Variants in CDH1 observed in about 807,000 individuals in gnomAD.
The protein encoded by CDH1 is cadherin-1.
Under a neutral mutation model 84.5 loss-of-function variants are expected in CDH1, and 35 were observed. The ratio of observed to expected loss-of-function variants is 0.41; its 90% CI spans 0.32 to 0.55. The LOEUF (loss-of-function observed/expected upper bound fraction) is 0.55, where lower values mean the gene tolerates loss of function less well. CDH1 is among the 20% of genes least tolerant of loss of function. CDH1 has a pLI of 0.19. For synonymous variants in CDH1, 417 were observed against 439.0 expected, an observed-to-expected ratio of 0.95 and a Z score of 0.63; for missense variants, 994 against 1,126.6, an observed-to-expected ratio of 0.88 and a Z score of 1.68.
In CDH1 at chr16:68,738,398, C is replaced by G. The variant is rs786201262; in HGVS notation, c.150C>G (p.Arg50=). 6.5e-7 allele frequency: 1 copy of G among 1,548,808 alleles called. No individual in the cohort carries two copies. Among genetic ancestry groups the G allele is most frequent in the Non-Finnish European group, 8.7e-7 (1 of 1,145,170 alleles). ...TVPRRHLERG[R]VLGRVNFEDC... ...CCCGGCGCCACCTGGAGAGAGGCCGCGTCCTGGGCAGAGGTGAGGGCGCGC... is the reference window on the plus strand; with the variant it reads ...CCCGGCGCCACCTGGAGAGAGGCCGGGTCCTGGGCAGAGGTGAGGGCGCGC... The change falls in exon 2 of 16, where the codon CGC becomes CGG. Residue 50 remains arginine (R), a synonymous_variant. Transcript: ENST00000261769.
intron 2 of CDH1, among the ~76,000 whole-genome samples, chr16:68,743,013 G>A (rs1438572387): frequency 6.6e-6 from 1 of 152,236 alleles, no homozygotes; most frequent in Non-Finnish European, 1.5e-5. Flanking sequence ...GCCCGGCAAG[G>A]CCATGTAAAG....
At chr16:68,769,834 C>A (rs553669596) in intron 2 of CDH1, among the ~76,000 whole-genome samples, 2 of 151,938 alleles carry the variant, frequency 1.3e-5, no homozygotes, top group Admixed American at 1.3e-4. Flanking sequence ...TATGCCATCA[C>A]GCCTGGCTAA....
chr16:68,749,515 G>A (rs1045759418), intron 2 of CDH1, among the ~76,000 whole-genome samples: 1 of 152,248 alleles, frequency 6.6e-6, no homozygotes, highest in African/African-American at 2.4e-5. Flanking sequence ...TGTTTGGAGA[G>A]TGTTTACTTG....
intron 14 of CDH1, 143 bp from the exon 15 acceptor site, chr16:68,829,509 CTG>C (rs1462515714): frequency 4.7e-6 from 4 of 855,088 alleles, no homozygotes; most frequent in Non-Finnish European, 7.5e-6. Flanking sequence ...AGCTTGAAAA[CTG>C]TCATTTTGCA....
intron 2 of CDH1, among the ~76,000 whole-genome samples, chr16:68,760,406 G>A (rs940044135): frequency 2.0e-5 from 3 of 150,740 alleles, no homozygotes; most frequent in African/African-American, 2.4e-5. Flanking sequence ...GAGCCACCAC[G>A]CCCAGCCCTT....
intron 2 of CDH1, chr16:68,771,064 C>T (rs966149777): frequency 2.0e-5 from 3 of 152,086 alleles, no homozygotes; most frequent in African/African-American, 7.2e-5. Flanking sequence ...GGAGACAGAG[C>T]TGATTCTCAT....
chr16:68,763,088 T>A (rs1170177062), intron 2 of CDH1, among the ~76,000 whole-genome samples: 1 of 152,184 alleles, frequency 6.6e-6, no homozygotes, highest in Non-Finnish European at 1.5e-5. Context: ...TAGCTTAATT[T>A]AAAGCGTTCA....
At chr16:68,780,141 G>A (rs947052207) in intron 2 of CDH1, among the ~76,000 whole-genome samples, 24 of 150,490 alleles carry the variant, frequency 1.6e-4, no homozygotes, top group African/African-American at 4.8e-4. Flanking sequence ...AAAGGGGACC[G>A]TGTGGCTCCC....
chr16:68,741,502 C>T (rs756888860), intron 2 of CDH1, among the ~76,000 whole-genome samples: 63 of 152,092 alleles, frequency 4.1e-4, no homozygotes, highest in Non-Finnish European at 7.5e-4. Context: ...ACTTTTTGTG[C>T]ACAGGCAGCT....
intron 2 of CDH1, among the ~76,000 whole-genome samples, chr16:68,780,716 G>T (rs569382889): frequency 1.3e-5 from 2 of 152,190 alleles, no homozygotes; most frequent in South Asian, 2.1e-4. Context: ...AACTTCATGC[G>T]TCTTCAAAGC....
At chr16:68,745,309 C>T (rs1962692030) in intron 2 of CDH1, among the ~76,000 whole-genome samples, 1 of 151,150 alleles carries the variant, frequency 6.6e-6, no homozygotes, top group African/African-American at 2.4e-5. Flanking sequence ...TGGCGAGACC[C>T]CCATCTCTAC....
rs549921723 is a variant in CDH1 at position 68,744,422 on chromosome 16, C to A, written c.163+6011C>A. Among the ~76,000 whole-genome samples the A allele has an allele frequency of 9.2e-5, 14 of 152,290 alleles. No homozygotes were observed. The East Asian group carries it at 2.7e-3, about 29-fold the overall frequency. ...GCATGCTCACTCTTTCTCTCTCTAT[C>A]CCCATCTCTAGCCATCTCCCTTTCT... is the stretch of plus-strand genomic sequence containing the variant. On this transcript the variant is annotated intron_variant, in intron 2 of 15. Coordinates refer to ENST00000261769, the MANE Select transcript of CDH1 (RefSeq NM_004360.5).
intron 7 of CDH1, 107 bp downstream of exon 7, chr16:68,811,966 T>C (rs1567506883): frequency 2.0e-6 from 3 of 1,463,752 alleles, no homozygotes; most frequent in East Asian, 4.6e-5. Flanking sequence ...AATACAGTGA[T>C]GGTCTAAGCT....
rs1567510914 is a variant in CDH1, at chr16:68,819,447, CT to C, written c.1711+25del. 4 of 1,612,002 alleles carry C rather than the reference CT, an allele frequency of 2.5e-6. No homozygotes were observed. In the Admixed American group the frequency reaches 5.0e-5, roughly 20 times the overall value. Reference sequence around the variant, plus strand: ...AATGGTAAGGGGGCCTCATCTGAGCCTTTGCTGCCTCGACCTCCTAGCTAGT... The same window carrying C: ...AATGGTAAGGGGGCCTCATCTGAGCCTTGCTGCCTCGACCTCCTAGCTAGT... On this transcript the variant is annotated intron_variant, in intron 11 of 15. Coordinates refer to ENST00000261769, the MANE Select transcript of CDH1 (RefSeq NM_004360.5).
chr16:68,754,505 G>A (rs1463337757), intron 2 of CDH1, among the ~76,000 whole-genome samples: 2 of 152,194 alleles, frequency 1.3e-5, no homozygotes, highest in African/African-American at 4.8e-5. Flanking sequence ...AACTCTTCCC[G>A]TATGCCATCT....
At chr16:68,826,156 T>C (rs1037591556) in intron 13 of CDH1, among the ~76,000 whole-genome samples, 1 of 150,560 alleles carries the variant, frequency 6.6e-6, no homozygotes, top group African/African-American at 2.4e-5. Flanking sequence ...CTTGAAATAT[T>C]TTTTTTTTAA....
intron 2 of CDH1, among the ~76,000 whole-genome samples, chr16:68,779,158 C>A (rs1247342592): frequency 1.3e-5 from 2 of 152,234 alleles, no homozygotes; most frequent in African/African-American, 4.8e-5. Flanking sequence ...TCAACACCGC[C>A]TGCCTCATCA....
chr16:68,779,972 T>C (rs1959830872), intron 2 of CDH1, among the ~76,000 whole-genome samples: 1 of 152,194 alleles, frequency 6.6e-6, no homozygotes, highest in Non-Finnish European at 1.5e-5. Context: ...CACTCCTTAC[T>C]TCTCCCAGAA....
intron 11 of CDH1, among the ~76,000 whole-genome samples, chr16:68,821,359 C>T (rs1310904119): frequency 6.6e-6 from 1 of 151,654 alleles, no homozygotes; most frequent in African/African-American, 2.4e-5. Flanking sequence ...CCTGTAGTCT[C>T]AGCTACTAGG....
Sources: gnomAD v4.1 joint callset for allele counts (sites outside exome capture counted in the v4.1 genomes callset) on GRCh38, gnomAD v4.1.1 for gene constraint, MANE v1.5 for transcripts, NCBI Gene and HGNC (gene_info 2026-07-23, HGNC 2026-07-21) for gene names.